KIAA0825: variants seen among roughly 807,000 people sequenced by gnomAD.
KIAA0825 encodes the protein uncharacterized protein KIAA0825.
Under a neutral mutation model 147.6 loss-of-function variants are expected in KIAA0825, and 119 were observed. That is an observed-to-expected ratio of 0.81 (90% CI 0.69 to 0.94). The LOEUF is 0.94. Among genes scored for constraint, KIAA0825 ranks in the 40% least tolerant of loss-of-function variants. KIAA0825 has a pLI of 0.00. For synonymous variants in KIAA0825, 470 were observed against 518.1 expected, an observed-to-expected ratio of 0.91 and a Z score of 1.26; for missense variants, 1,381 against 1,472.7, an observed-to-expected ratio of 0.94 and a Z score of 1.02.
At chr5:94,364,241 G>A (rs1490804451) in intron 20 of KIAA0825, among the ~76,000 whole-genome samples, 1 of 151,830 alleles carries the variant, frequency 6.6e-6, no homozygotes, top group East Asian at 1.9e-4. Context: ...AGAGGGGCTT[G>A]GGATGGAGGG....
intron 2 of KIAA0825, among the ~76,000 whole-genome samples, chr5:94,545,997 G>A (rs1218656303): frequency 6.6e-6 from 1 of 152,138 alleles, no homozygotes; most frequent in East Asian, 1.9e-4. Flanking sequence ...TGAAGGGTGA[G>A]TCTCATGCCT....
rs139718215 is a variant in KIAA0825 at position 94,215,126 on chromosome 5, G to A, written c.3711-61002C>T. On this transcript the variant is annotated intron_variant, in intron 20 of 20. Transcript: ENST00000682413. ...AAAGTGCCAGGTGACAAGTGTTCAG[G>A]GGATCAGACAACAAGATGGAATGAT... Among the ~76,000 whole-genome samples the A allele has an allele frequency of 4.7e-3, 717 of 152,140 alleles. 24 individuals carry two copies. Among genetic ancestry groups the A allele is most frequent in the Non-Finnish European group, 1.1e-3 (78 of 68,014 alleles).
At chr5:94,564,946 CCTTTTCTTTT>C (rs111877748) in intron 2 of KIAA0825, among the ~76,000 whole-genome samples, 13 of 134,150 alleles carry the variant, frequency 9.7e-5, no homozygotes, top group Middle Eastern at 7.6e-3. Flanking sequence ...TCCCTCCCTC[CCTTTTCTTTT>C]CTTTTCTTTT....
intron 20 of KIAA0825, among the ~76,000 whole-genome samples, chr5:94,192,473 A>G (rs1183795740): frequency 6.6e-6 from 1 of 152,142 alleles, no homozygotes; most frequent in Non-Finnish European, 1.5e-5. Flanking sequence ...AATATACTAT[A>G]TATGTTTTAT....
At chr5:94,405,003 G>A (rs1751863140) in intron 15 of KIAA0825, among the ~76,000 whole-genome samples, 1 of 152,100 alleles carries the variant, frequency 6.6e-6, no homozygotes, top group Non-Finnish European at 1.5e-5. Context: ...ATACTTCACA[G>A]CTGAGCACAC....
chr5:94,519,398 T>C (rs1384073691), intron 5 of KIAA0825: 2 of 909,276 alleles, frequency 2.2e-6, no homozygotes, highest in South Asian at 5.1e-5. Context: ...AAAGCATAAC[T>C]AATGATAATT....
intron 17 of KIAA0825, among the ~76,000 whole-genome samples, chr5:94,394,581 G>C (rs752220918): frequency 3.9e-5 from 6 of 152,086 alleles, no homozygotes; most frequent in Non-Finnish European, 7.4e-5. Flanking sequence ...GTACCCCTAG[G>C]TATATTACCT....
At chr5:94,334,649 AT>A (rs1190441717) in intron 20 of KIAA0825, among the ~76,000 whole-genome samples, 2 of 151,996 alleles carry the variant, frequency 1.3e-5, no homozygotes, top group East Asian at 3.9e-4. Flanking sequence ...TGCCCAGCTA[AT>A]TTTTTGTATT....
intron 20 of KIAA0825, among the ~76,000 whole-genome samples, chr5:94,290,970 T>C (rs944336938): frequency 6.6e-6 from 1 of 152,250 alleles, no homozygotes; most frequent in Admixed American, 6.5e-5. Context: ...GCCCACTTTT[T>C]GATACAGTTG....
At chr5:94,201,929 G>T (rs1323325689) in intron 20 of KIAA0825, among the ~76,000 whole-genome samples, 1 of 152,168 alleles carries the variant, frequency 6.6e-6, no homozygotes, top group African/African-American at 2.4e-5. Context: ...GGTCTTCTGG[G>T]TAAACTGACC....
chr5:94,347,405 C>A (rs1269195819), intron 20 of KIAA0825, among the ~76,000 whole-genome samples: 1 of 152,194 alleles, frequency 6.6e-6, no homozygotes, highest in East Asian at 1.9e-4. Context: ...TTCATTGCAC[C>A]CCCTGCCACT....
At chr5:94,237,468 G>C (rs1288824300) in intron 20 of KIAA0825, among the ~76,000 whole-genome samples, 1 of 152,176 alleles carries the variant, frequency 6.6e-6, no homozygotes, top group Non-Finnish European at 1.5e-5. Flanking sequence ...AAGAAAGCAA[G>C]CCAGCAAGGT....
intron 14 of KIAA0825, among the ~76,000 whole-genome samples, chr5:94,421,427 C>T (rs1259556317): frequency 6.6e-6 from 1 of 152,208 alleles, no homozygotes; most frequent in Non-Finnish European, 1.5e-5. Flanking sequence ...ATCTCTGGCT[C>T]TGACCTTTCT....
At chr5:94,583,368 T>A (rs1359051637) in intron 1 of KIAA0825, among the ~76,000 whole-genome samples, 1 of 152,200 alleles carries the variant, frequency 6.6e-6, no homozygotes, top group African/African-American at 2.4e-5. Context: ...GTGTCTGGCT[T>A]GGTGGGCCCC....
intron 13 of KIAA0825, 72 bp downstream of exon 13, chr5:94,452,887 T>C (rs1032935307): frequency 3.8e-6 from 3 of 784,082 alleles, no homozygotes; most frequent in Non-Finnish European, 5.7e-6. Context: ...TTACATCCAT[T>C]GATAAAAATT....
In KIAA0825 at chr5:94,333,119, G is replaced by A. The variant is rs1252867277; in HGVS notation, c.3710+51249C>T. ...TTGTTTAAGATCCTTGTAGATTCTG[G>A]ATATTAGCCCTTTGTCAGATGAATA... On this transcript the variant is annotated intron_variant, in intron 20 of 20. Transcript: ENST00000682413. 2.6e-5 allele frequency among the ~76,000 whole-genome samples: 4 copies of A among 152,122 alleles called. No individual in the cohort carries two copies. The East Asian group carries it at 7.7e-4, about 29-fold the overall frequency.
chr5:94,544,475 ACTAC>A (rs1773945006), intron 2 of KIAA0825, among the ~76,000 whole-genome samples: 1 of 152,138 alleles, frequency 6.6e-6, no homozygotes, highest in South Asian at 2.1e-4. Context: ...AATGGCTCTT[ACTAC>A]CATAGCAACT....
intron 20 of KIAA0825, among the ~76,000 whole-genome samples, chr5:94,255,377 A>G (rs1776191383): frequency 1.3e-5 from 2 of 151,920 alleles, no homozygotes; most frequent in Admixed American, 1.3e-4. Flanking sequence ...CCTTACAGAG[A>G]TGACATACTT....
intron 11 of KIAA0825, among the ~76,000 whole-genome samples, chr5:94,464,661 G>T (rs938264507): frequency 6.6e-6 from 1 of 152,044 alleles, no homozygotes; most frequent in Non-Finnish European, 1.5e-5. Context: ...TTCTATAGAC[G>T]ATTTTAAGGA....
Sources: gnomAD v4.1 joint callset for allele counts (sites outside exome capture counted in the v4.1 genomes callset) on GRCh38, gnomAD v4.1.1 for gene constraint, MANE v1.5 for transcripts, NCBI Gene and HGNC (gene_info 2026-07-23, HGNC 2026-07-21) for gene names.